Variants in RASA1 observed in about 807,000 individuals in gnomAD.
RASA1 encodes ras GTPase-activating protein 1.
A neutral mutation model predicts 132.2 loss-of-function variants in RASA1; 25 were observed. The observed-to-expected ratio is 0.19, with a 90% CI of 0.14 to 0.26. The LOEUF is 0.26. Ranked by LOEUF, RASA1 falls within the 10% of genes least tolerant of loss-of-function variation. The probability of loss-of-function intolerance (pLI) is 1.00; values close to 1 mark genes in which losing one functional copy is unlikely to be tolerated. For missense variants in RASA1, 964 were observed against 1,299.2 expected, an observed-to-expected ratio of 0.74 and a Z score of 3.97; for synonymous variants, 477 against 449.9, an observed-to-expected ratio of 1.06 and a Z score of -0.76.
At chr5:87,363,203 T>A (rs1440406237) in intron 10 of RASA1, 145 bp from the exon 11 acceptor site, 4 of 763,800 alleles carry the variant, frequency 5.2e-6, no homozygotes, top group Non-Finnish European at 8.3e-6. Context: ...GTTATAGGCA[T>A]TTTCTCATTA....
In RASA1 at chr5:87,341,296, G is replaced by A; in HGVS notation, c.1024G>A (p.Glu342Lys). The A allele has an allele frequency of 1.9e-5, 25 of 1,348,194 alleles. No homozygotes were observed. The highest frequency in any genetic ancestry group is 2.4e-5 in the Non-Finnish European group (25 of 1,041,634). The allele number at this position is 1,348,194 out of a possible 1,614,324, so 83.5% of individuals were successfully genotyped here. The change falls in exon 6 of 25, where the codon GAA (glutamate) becomes AAA (lysine). Residue 342 changes from glutamate to lysine, a missense_variant. By Grantham distance (56) the Glu-to-Lys change is moderately conservative (BLOSUM62 1). Transcript: ENST00000274376. ...CTTAATGTCTTCCCTTTAGGGCCGG[G>A]AAGAAGATCCACATGAAGGAAAAAT... ...VEDLVEEVGR[E>K]EDPHEGKIWF...
At chr5:87,384,557 T>C (rs1246009341) in intron 21 of RASA1, among the ~76,000 whole-genome samples, 2 of 152,174 alleles carry the variant, frequency 1.3e-5, no homozygotes, top group South Asian at 4.1e-4. Flanking sequence ...GTTAAATCTA[T>C]AAATTATTAA....
At chr5:87,328,376 A>T (rs1757384735) in intron 1 of RASA1, among the ~76,000 whole-genome samples, 1 of 152,108 alleles carries the variant, frequency 6.6e-6, no homozygotes, top group African/African-American at 2.4e-5. Context: ...TTTTAAAGAG[A>T]TATAATAAGG....
Position 87,268,578 on chromosome 5 carries a change from C to T in RASA1, c.127C>T (p.Pro43Ser). ...VCRVKIPAALPVAAAPYPGLV... is the reference protein window; with the variant it reads ...VCRVKIPAALSVAAAPYPGLV... ...TCGGGTGAAGATACCCGCGGCCCTG[C>T]CTGTGGCAGCCGCCCCCTATCCTGG... The change falls in exon 1 of 25, where the codon CCT (proline) becomes TCT (serine). Residue 43 changes from proline (P) to serine (S), a missense_variant. Pro to Ser is a moderately conservative substitution (Grantham distance 74). This residue lies in a region of RASA1 where 326 missense variants were observed against 275.8 expected (regional missense o/e 1.18). Transcript: ENST00000274376. 1 of 1,608,960 alleles carries T rather than the reference C, an allele frequency of 6.2e-7. No individual in the cohort carries two copies. Among genetic ancestry groups the T allele is most frequent in the South Asian group, 1.1e-5 (1 of 90,356 alleles).
intron 18 of RASA1, among the ~76,000 whole-genome samples, chr5:87,378,896 T>C (rs1245355624): frequency 6.6e-6 from 1 of 152,170 alleles, no homozygotes; most frequent in Non-Finnish European, 1.5e-5. Context: ...TCATTACATC[T>C]TGGTTTGTTC....
chr5:87,294,928 A>G (rs1406971967), intron 1 of RASA1, among the ~76,000 whole-genome samples: 1 of 152,226 alleles, frequency 6.6e-6, no homozygotes, highest in Admixed American at 6.5e-5. Context: ...GGATCTGCCC[A>G]TTCCTGATAG....
In RASA1 at chr5:87,378,250, T is replaced by C. The variant is rs1352495442; in HGVS notation, c.2345-146T>C. 26 of 844,812 alleles carry C rather than the reference T, an allele frequency of 3.1e-5. No individual in the cohort carries two copies. The East Asian group carries it at 3.4e-4, about 11-fold the overall frequency. The allele number at this position is 844,812 out of a possible 1,614,324, so 52.3% of individuals were successfully genotyped here. ...AAGTCTGTAGAAGTATAGGATGTCATTGTAATTAGTACTTTCAACGCTGCA... is the reference window on the plus strand; with the variant it reads ...AAGTCTGTAGAAGTATAGGATGTCACTGTAATTAGTACTTTCAACGCTGCA... On this transcript the variant is annotated intron_variant, in intron 17 of 24. Transcript: ENST00000274376.
In RASA1 at chr5:87,268,311, GCTCT is replaced by G; in HGVS notation, c.-137_-134del. The stretch of plus-strand genomic sequence containing the variant: ...GCCCTAGGAGGGGGCGCGGCGGCGG[GCTCT>G]CTCCTTTTGTTGTTGTTTCCTCAGC... On this transcript the variant is annotated 5_prime_UTR_variant, in exon 1 of 25. Coordinates refer to ENST00000274376, the MANE Select transcript of RASA1 (RefSeq NM_002890.3). 2 of 1,182,140 alleles carry G rather than the reference GCTCT, an allele frequency of 1.7e-6. No homozygotes were observed. Among genetic ancestry groups the G allele is most frequent in the Non-Finnish European group, 2.3e-6 (2 of 870,352 alleles). 73.2% of individuals were successfully genotyped at this position (1,182,140 alleles called of 1,614,324 possible).
Position 87,268,519 on chromosome 5 carries a change from C to A in RASA1, c.68C>A (p.Ala23Glu), listed in dbSNP as rs760944130. ...PVTAGAGGGGAAAGSSAYPAV... is the reference protein window; with the variant it reads ...PVTAGAGGGGEAAGSSAYPAV... ...ACAGCCGGAGCTGGAGGAGGCGGCG[C>A]GGCAGCGGGCTCCAGTGCCTATCCC... The change falls in exon 1 of 25, where the codon GCG becomes GAG. Residue 23 changes from alanine to glutamate, a missense_variant. Ala to Glu is a moderately radical substitution (Grantham distance 107, BLOSUM62 -1). This residue lies in a region of RASA1 where 326 missense variants were observed against 275.8 expected (regional missense o/e 1.18). Transcript: ENST00000274376. The A allele has an allele frequency of 1.3e-6, 2 of 1,580,000 alleles. No individual in the cohort carries two copies. The highest frequency in any genetic ancestry group is 1.7e-6 in the Non-Finnish European group (2 of 1,164,480).
chr5:87,385,434 T>C (rs1039334967), intron 22 of RASA1, 45 bp downstream of exon 22: 1 of 1,387,148 alleles, frequency 7.2e-7, no homozygotes, highest in African/African-American at 1.4e-5. Flanking sequence ...TGAATGCAAG[T>C]TTGACATGAT....
At chr5:87,310,299 T>A (rs1027000381) in intron 1 of RASA1, among the ~76,000 whole-genome samples, 1 of 151,930 alleles carries the variant, frequency 6.6e-6, no homozygotes, top group Non-Finnish European at 1.5e-5. Flanking sequence ...TAAAGAAAAA[T>A]TACTAATCAA....
chr5:87,356,505 T>G (rs1759661898), intron 9 of RASA1, among the ~76,000 whole-genome samples: 1 of 151,850 alleles, frequency 6.6e-6, no homozygotes, highest in Non-Finnish European at 1.5e-5. Context: ...TCCTCCTGCC[T>G]CAGGCTCCCC....
intron 23 of RASA1, 90 bp from the exon 24 acceptor site, chr5:87,389,303 C>T: frequency 2.0e-6 from 3 of 1,524,346 alleles, no homozygotes; most frequent in Non-Finnish European, 1.8e-6. Flanking sequence ...TGCATTTCAG[C>T]CTGGGCAACA....
intron 1 of RASA1, among the ~76,000 whole-genome samples, chr5:87,272,626 C>T (rs1753895273): frequency 6.6e-6 from 1 of 152,026 alleles, no homozygotes. Flanking sequence ...TACGTAGTCC[C>T]CTGTGCCCAT....
At chr5:87,324,634 C>T (rs1757084072) in intron 1 of RASA1, among the ~76,000 whole-genome samples, 1 of 152,138 alleles carries the variant, frequency 6.6e-6, no homozygotes, top group Non-Finnish European at 1.5e-5. Context: ...GAGATAAATA[C>T]ATACACACAT....
At chr5:87,288,390 AC>A (rs1250021443) in intron 1 of RASA1, among the ~76,000 whole-genome samples, 1 of 152,066 alleles carries the variant, frequency 6.6e-6, no homozygotes, top group Admixed American at 6.5e-5. Context: ...CATCAAACCA[AC>A]TTGGAAAGAA....
intron 9 of RASA1, among the ~76,000 whole-genome samples, chr5:87,358,954 CT>C (rs60356896): frequency 0.42 from 63,644 of 151,980 alleles, 13,313 homozygotes; most frequent in East Asian, 0.49. Flanking sequence ...GCAAATGACA[CT>C]TTACCTAGAC....
intron 18 of RASA1, 65 bp downstream of exon 18, chr5:87,378,603 A>G: frequency 2.7e-6 from 4 of 1,455,242 alleles, no homozygotes; most frequent in Non-Finnish European, 3.8e-6. Flanking sequence ...AATAATTTGT[A>G]GCCAATTACA....
rs1475984724 is a variant in RASA1 at position 87,389,920 on chromosome 5, AATG to A, written c.3060+396_3060+398del. 9.2e-5 allele frequency among the ~76,000 whole-genome samples: 14 copies of A among 152,280 alleles called. No homozygotes were observed. The East Asian group carries it at 2.5e-3, about 27-fold the overall frequency. On this transcript the variant is annotated intron_variant, in intron 24 of 24. Coordinates refer to ENST00000274376, the MANE Select transcript of RASA1 (RefSeq NM_002890.3). ...AAAGTGATTCTCAAACTGTGAAACA[AATG>A]ATTATTATTTGGGATGTTTGTCAAA...
Sources: allele counts gnomAD v4.1 joint callset (sites outside exome capture counted in the v4.1 genomes callset), GRCh38; gene constraint gnomAD v4.1.1; regional missense constraint gnomAD v4.1.1; transcripts MANE v1.5; gene names NCBI Gene and HGNC (gene_info 2026-07-23, HGNC 2026-07-21).